PRKACA: variants seen among roughly 807,000 people sequenced by gnomAD.
PRKACA encodes cAMP-dependent protein kinase catalytic subunit alpha.
PRKACA carries 9 observed loss-of-function variants against 45.8 expected under a neutral mutation model. The ratio of observed to expected loss-of-function variants is 0.20; its 90% CI spans 0.12 to 0.34. PRKACA has a LOEUF of 0.34. Ranked by LOEUF, PRKACA falls within the 10% of genes least tolerant of loss-of-function variation. The pLI, the probability that PRKACA is intolerant of heterozygous loss-of-function variation, is 1.00. For synonymous variants in PRKACA, 160 were observed against 178.6 expected, an observed-to-expected ratio of 0.90 and a Z score of 0.83; for missense variants, 238 against 458.6, an observed-to-expected ratio of 0.52 and a Z score of 4.39.
chr19:14,109,362 C>A lies in PRKACA; in HGVS notation c.47-1953G>T, dbSNP rs1011822176. ...CAGCCGGGCATGGTGGCAGGAGAAT[C>A]GCTTCGACCCGGGAGGCAGAAGTTG... is the stretch of plus-strand genomic sequence containing the variant. On this transcript the variant is annotated intron_variant, in intron 1 of 9. Coordinates refer to ENST00000308677, the MANE Select transcript of PRKACA (RefSeq NM_002730.4). Among the ~76,000 whole-genome samples the A allele has an allele frequency of 2.6e-5, 4 of 151,688 alleles. No homozygotes were observed. In the South Asian group the frequency reaches 8.3e-4, roughly 32 times the overall value.
At chr19:14,106,981 G>C (rs1977631626) in intron 2 of PRKACA, 93 bp from the exon 3 acceptor site, 4 of 1,535,728 alleles carry the variant, frequency 2.6e-6, no homozygotes, top group Non-Finnish European at 3.5e-6. Context: ...CCGGCAGAGG[G>C]GGCCCCGGGG....
chr19:14,112,046 T>A (rs1374596888), intron 1 of PRKACA, among the ~76,000 whole-genome samples: 1 of 152,154 alleles, frequency 6.6e-6, no homozygotes, highest in African/African-American at 2.4e-5. Flanking sequence ...GCTGTTAGCA[T>A]GGCCCTTCTC....
chr19:14,101,541 C>T (rs112063201), intron 4 of PRKACA, among the ~76,000 whole-genome samples: 78 of 152,138 alleles, frequency 5.1e-4, no homozygotes, highest in African/African-American at 1.7e-3. Flanking sequence ...CCAGCCTGGG[C>T]AACAGGGTAA....
In PRKACA at chr19:14,107,559, G is replaced by A; in HGVS notation, c.47-150C>T. 3 of 1,307,854 alleles carry A rather than the reference G, an allele frequency of 2.3e-6. No homozygotes were observed. In the South Asian group the frequency reaches 4.3e-5, roughly 19 times the overall value. 81.0% of individuals were successfully genotyped at this position (1,307,854 alleles called of 1,614,324 possible). ...CTGGTGCCTCTGGGGCCTTGGCTGGGCCGTGGCCTGGGCCTCCCTTGCTAC... is the reference window on the plus strand; with the variant it reads ...CTGGTGCCTCTGGGGCCTTGGCTGGACCGTGGCCTGGGCCTCCCTTGCTAC... On this transcript the variant is annotated intron_variant, in intron 1 of 9. Transcript: ENST00000308677.
At chr19:14,099,977 A>C (rs1417686008) in intron 5 of PRKACA, among the ~76,000 whole-genome samples, 1 of 151,928 alleles carries the variant, frequency 6.6e-6, no homozygotes, top group Non-Finnish European at 1.5e-5. Context: ...AGTAGCTGGG[A>C]CTATAGGCGC....
At chr19:14,114,170 C>G (rs1163785276) in intron 1 of PRKACA, 1 of 1,610,430 alleles carries the variant, frequency 6.2e-7, no homozygotes, top group Non-Finnish European at 8.5e-7. Flanking sequence ...CAGTCCTGTT[C>G]TCAGGGCACC....
In PRKACA at chr19:14,097,402, C is replaced by T. The variant is rs1486515892; in HGVS notation, c.724G>A (p.Asp242Asn). Residue 242 changes from aspartate (D) to asparagine (N), a missense_variant, in exon 8 of 10, where the codon GAC becomes AAC. Transcript: ENST00000308677. The surrounding 1 kb of genome is among the most constrained non-coding windows in gnomAD (Gnocchi z 5.4). ...MAAGYPPFFA[D>N]QPIQIYEKIV... ...TTCTCATAGATCTGGATGGGCTGGT[C>T]TGCGAAGAAGGGCGGGTAGCCAGCG... 6.2e-7 allele frequency: 1 copy of T among 1,613,984 alleles called. No individual in the cohort carries two copies. Among genetic ancestry groups the T allele is most frequent in the African/African-American group, 1.3e-5 (1 of 74,930 alleles).
rs373468300 is a variant in PRKACA at position 14,106,829 on chromosome 19, C to T, written c.168G>A (p.Gly56=). The T allele has an allele frequency of 2.8e-5, 46 of 1,614,090 alleles. No homozygotes were observed. In the South Asian group the frequency reaches 4.9e-4, roughly 17 times the overall value. The part of the protein sequence containing the change: ...RIKTLGTGSF[G]RVMLVKHKET... Reference sequence around the variant, plus strand: ...CCTTGTGTTTCACCAGCATCACCCGCCCGAAGGAGCCCGTGCCGAGGGTCT... The same window carrying T: ...CCTTGTGTTTCACCAGCATCACCCGTCCGAAGGAGCCCGTGCCGAGGGTCT... The change falls in exon 3 of 10, where the codon GGG becomes GGA. Residue 56 remains glycine, a synonymous_variant. Transcript: ENST00000308677.
rs368485023 is a variant in PRKACA at position 14,106,905 on chromosome 19, C to T, written c.109-17G>A. The T allele has an allele frequency of 3.7e-6, 6 of 1,613,426 alleles. No individual in the cohort carries two copies. The highest frequency in any genetic ancestry group is 2.7e-5 in the African/African-American group (2 of 74,900). On this transcript the variant is annotated splice_polypyrimidine_tract_variant and intron_variant, in intron 2 of 9. Coordinates refer to ENST00000308677, the MANE Select transcript of PRKACA (RefSeq NM_002730.4). ...GGCTGTGTTCTGTGGGCAGAGGGGT[C>T]GGTAGGCTCAGGGCACGCCCTCCCC...
chr19:14,106,921 C>A lies in PRKACA; in HGVS notation c.109-33G>T, dbSNP rs118047666. 4.7e-5 allele frequency: 75 copies of A among 1,611,794 alleles called. 1 individual carries two copies. In the South Asian group the frequency reaches 7.6e-4, roughly 16 times the overall value. ...CAGAGGGGTCGGTAGGCTCAGGGCACGCCCTCCCCGCGGCCTGCTTGGCTA... is the reference window on the plus strand; with the variant it reads ...CAGAGGGGTCGGTAGGCTCAGGGCAAGCCCTCCCCGCGGCCTGCTTGGCTA... On this transcript the variant is annotated intron_variant, in intron 2 of 9. Coordinates refer to ENST00000308677, the MANE Select transcript of PRKACA (RefSeq NM_002730.4).
chr19:14,094,338 G>A (rs867595001), intron 8 of PRKACA, among the ~76,000 whole-genome samples: 2 of 152,050 alleles, frequency 1.3e-5, no homozygotes, highest in African/African-American at 4.8e-5. Flanking sequence ...ACAGGCTCAC[G>A]CCAAGACACC....
intron 9 of PRKACA, 80 bp from the exon 10 acceptor site, chr19:14,093,317 A>AT (rs1977147822): frequency 6.5e-7 from 1 of 1,530,940 alleles, no homozygotes; most frequent in African/African-American, 1.4e-5. Flanking sequence ...ATGGCCTAAC[A>AT]TTCAAGAGAT....
chr19:14,102,723 C>T (rs954920830), intron 4 of PRKACA, 93 bp downstream of exon 4: 10 of 1,033,494 alleles, frequency 9.7e-6, no homozygotes, highest in African/African-American at 1.6e-5. Context: ...AGAGAGCAGC[C>T]ACTGATTGTC....
intron 4 of PRKACA, among the ~76,000 whole-genome samples, chr19:14,101,519 C>T (rs1369691624): frequency 3.3e-5 from 5 of 151,948 alleles, no homozygotes; most frequent in Admixed American, 2.6e-4. Flanking sequence ...GCTGTAATTG[C>T]GCCACTGCAC....
chr19:14,103,009 C>T (rs1004433920), intron 3 of PRKACA, 95 bp from the exon 4 acceptor site: 24 of 1,006,300 alleles, frequency 2.4e-5, no homozygotes, highest in Admixed American at 7.1e-5. Context: ...GGAGCCAGGC[C>T]GGTTCCTTCA....
Position 14,097,398 on chromosome 19 carries a change from T to C in PRKACA, c.728A>G (p.Gln243Arg). The C allele has an allele frequency of 6.2e-7, 1 of 1,614,104 alleles. No individual in the cohort carries two copies. Among genetic ancestry groups the C allele is most frequent in the Non-Finnish European group, 8.5e-7 (1 of 1,180,030 alleles). Reference sequence around the variant, plus strand: ...GATCTTCTCATAGATCTGGATGGGCTGGTCTGCGAAGAAGGGCGGGTAGCC... The same window carrying C: ...GATCTTCTCATAGATCTGGATGGGCCGGTCTGCGAAGAAGGGCGGGTAGCC... ...AAGYPPFFAD[Q>R]PIQIYEKIVS... Residue 243 changes from glutamine (Q) to arginine (R), a missense_variant, in exon 8 of 10, where the codon CAG becomes CGG. Physicochemically the swap from Gln to Arg is conservative, Grantham distance 43. Transcript: ENST00000308677. The surrounding 1 kb of genome is among the most constrained non-coding windows in gnomAD (Gnocchi z 5.4).
chr19:14,095,405 G>A (rs1303434270), intron 8 of PRKACA, among the ~76,000 whole-genome samples: 1 of 151,940 alleles, frequency 6.6e-6, no homozygotes, highest in African/African-American at 2.4e-5. Flanking sequence ...TCCTGACCTC[G>A]TGATCCGCCC....
chr19:14,099,147 C>G (rs1346489873), intron 5 of PRKACA, among the ~76,000 whole-genome samples: 2 of 151,948 alleles, frequency 1.3e-5, no homozygotes, highest in African/African-American at 4.8e-5. Context: ...CAAAAATTAG[C>G]CAGGCAAGGG....
At chr19:14,115,852 C>T (rs1241873380) in intron 1 of PRKACA, among the ~76,000 whole-genome samples, 1 of 152,080 alleles carries the variant, frequency 6.6e-6, no homozygotes, top group African/African-American at 2.4e-5. Context: ...GCTGGCCTCA[C>T]CTGCTGGGGG....
Sources: allele counts gnomAD v4.1 joint callset (sites outside exome capture counted in the v4.1 genomes callset), GRCh38; gene constraint gnomAD v4.1.1; non-coding constraint Gnocchi (gnomAD v3.1); transcripts MANE v1.5; gene names NCBI Gene and HGNC (gene_info 2026-07-23, HGNC 2026-07-21).